The following DNAH7 variants were observed in gnomAD, a reference collection of about 807,000 sequenced individuals.
DNAH7 encodes the protein dynein axonemal heavy chain 7, also known as axonemal beta dynein heavy chain 7.
DNAH7 carries 397 observed loss-of-function variants against 444.6 expected under a neutral mutation model. That is an observed-to-expected ratio of 0.89 (90% CI 0.82 to 0.97). The LOEUF (loss-of-function observed/expected upper bound fraction) is 0.97. Among genes scored for constraint, DNAH7 ranks in the 50% least tolerant of loss-of-function variants. The probability of loss-of-function intolerance (pLI) is 0.00; values close to 1 mark genes in which losing one functional copy is unlikely to be tolerated. For synonymous variants in DNAH7, 1,636 were observed against 1,624.4 expected (o/e 1.01, Z -0.17); for missense variants, 4,902 against 4,800.8 (o/e 1.02, Z -0.62).
chr2:196,051,923 T>C lies in DNAH7; in HGVS notation c.79-674A>G, dbSNP rs529158502. On this transcript the variant is annotated intron_variant, in intron 2 of 64. Coordinates refer to ENST00000312428, the MANE Select transcript of DNAH7 (RefSeq NM_018897.3). Reference sequence around the variant, plus strand: ...TCCTCTTTCCCCAATTAAACCCTAATCATTTAACTTGTTCTCCAGACATAC... The same window carrying C: ...TCCTCTTTCCCCAATTAAACCCTAACCATTTAACTTGTTCTCCAGACATAC... 2.6e-5 allele frequency among the ~76,000 whole-genome samples: 4 copies of C among 152,266 alleles called. No homozygotes were observed. In the South Asian group the frequency reaches 8.3e-4, roughly 32 times the overall value.
At chr2:195,839,879 T>C (rs1014948320) in intron 47 of DNAH7, among the ~76,000 whole-genome samples, 2 of 151,778 alleles carry the variant, frequency 1.3e-5, no homozygotes, top group African/African-American at 4.8e-5. Flanking sequence ...ATAAAATCTT[T>C]CAATGACAAA....
intron 5 of DNAH7, among the ~76,000 whole-genome samples, chr2:196,043,351 G>C (rs1696893907): frequency 6.6e-6 from 1 of 151,876 alleles, no homozygotes. Context: ...AGTCACATAG[G>C]GTTCTCGTCA....
chr2:195,739,743 T>C (rs971623760), intron 64 of DNAH7, among the ~76,000 whole-genome samples: 2 of 152,192 alleles, frequency 1.3e-5, no homozygotes, highest in Admixed American at 6.5e-5. Context: ...CTAAAATCAA[T>C]TGGCAGCATT....
chr2:195,960,740 C>T lies in DNAH7; in HGVS notation c.2411G>A (p.Trp804Ter), dbSNP rs758237461. 1.2e-6 allele frequency: 2 copies of T among 1,614,126 alleles called. No individual in the cohort carries two copies. Among genetic ancestry groups the T allele is most frequent in the Non-Finnish European group, 1.7e-6 (2 of 1,180,000 alleles). ...TTTCTCCAGTTTATATAATCCTCTC[C>T]AGTAATTTCCAATATCTGCTTCTAC... ...DQVEADIGNY[W>*]RGLYKLEKTF... Residue 804 changes from tryptophan (W) to a stop codon, truncating the protein, a stop_gained, in exon 18 of 65, where the codon TGG (tryptophan) becomes TAG (stop). Coordinates refer to ENST00000312428, the MANE Select transcript of DNAH7 (RefSeq NM_018897.3). LOFTEE classifies it high-confidence loss of function.
intron 60 of DNAH7, among the ~76,000 whole-genome samples, chr2:195,773,995 T>C (rs1157734429): frequency 6.6e-6 from 1 of 152,204 alleles, no homozygotes; most frequent in Non-Finnish European, 1.5e-5. Context: ...ATAAACCCAA[T>C]CTAGAATCAC....
chr2:195,898,087 G>C (rs56350306), intron 28 of DNAH7, among the ~76,000 whole-genome samples: 2,423 of 152,284 alleles, frequency 0.016, 68 homozygotes, highest in African/African-American at 0.055. Context: ...CTTGTTCTCT[G>C]CATGTATTCA....
intron 24 of DNAH7, among the ~76,000 whole-genome samples, chr2:195,920,866 C>A (rs944051043): frequency 1.3e-5 from 2 of 151,686 alleles, no homozygotes; most frequent in Non-Finnish European, 2.9e-5. Flanking sequence ...CTCAAATCTG[C>A]AAGAAAAAAA....
chr2:195,887,536 G>T (rs1023109289), intron 33 of DNAH7, among the ~76,000 whole-genome samples: 1 of 151,902 alleles, frequency 6.6e-6, no homozygotes, highest in Non-Finnish European at 1.5e-5. Context: ...ACATTAACAT[G>T]GTTTTAAAGT....
At chr2:195,918,135 C>A (rs1687800893) in intron 24 of DNAH7, among the ~76,000 whole-genome samples, 1 of 152,266 alleles carries the variant, frequency 6.6e-6, no homozygotes, top group African/African-American at 2.4e-5. Flanking sequence ...AAGATCTGAA[C>A]AAACACCTCA....
chr2:195,738,053 A>ACTTGT lies in DNAH7; in HGVS notation c.11938_11942dup (p.Ser3981ArgfsTer19), dbSNP rs868282237. ...TGGTGGATAATACTCCTCTCCGCTCACTTGTCTTATACAATGGAGCAACAT... is the reference window on the plus strand; with the variant it reads ...TGGTGGATAATACTCCTCTCCGCTCACTTGTCTTGTCTTATACAATGGAGCAACAT... On this transcript the variant is annotated frameshift_variant, in exon 65 of 65. Transcript: ENST00000312428. LOFTEE classifies it high-confidence loss of function. The ACTTGT allele has an allele frequency of 5.0e-6, 8 of 1,613,920 alleles. No homozygotes were observed. The African/African-American group carries it at 6.7e-5, about 13-fold the overall frequency.
At chr2:195,866,887 T>C (rs1700371563) in intron 40 of DNAH7, among the ~76,000 whole-genome samples, 1 of 152,188 alleles carries the variant, frequency 6.6e-6, no homozygotes, top group African/African-American at 2.4e-5. Flanking sequence ...CCCGTGCTGT[T>C]CTTATGATAG....
intron 63 of DNAH7, among the ~76,000 whole-genome samples, chr2:195,750,480 A>T (rs1196860020): frequency 6.6e-6 from 1 of 152,228 alleles, no homozygotes; most frequent in Non-Finnish European, 1.5e-5. Flanking sequence ...CTAGAAAAAA[A>T]TTCATGCATC....
At chr2:195,782,865 C>A (rs915139460) in intron 58 of DNAH7, among the ~76,000 whole-genome samples, 2 of 152,196 alleles carry the variant, frequency 1.3e-5, no homozygotes, top group Admixed American at 6.5e-5. Context: ...AACATACAAT[C>A]TTTGTTCTCT....
At chr2:196,056,097 G>T (rs948070596) in intron 2 of DNAH7, among the ~76,000 whole-genome samples, 3 of 152,160 alleles carry the variant, frequency 2.0e-5, no homozygotes, top group Non-Finnish European at 1.5e-5. Context: ...CCTCACCTTG[G>T]ATTCCAGACA....
In DNAH7 at chr2:195,922,100, T is replaced by C. The variant is rs548978463; in HGVS notation, c.3923A>G (p.Asp1308Gly). The change falls in exon 24 of 65, where the codon GAT (aspartate) becomes GGT (glycine). Residue 1308 changes from aspartate to glycine, a missense_variant. Physicochemically the swap from Asp to Gly is moderately conservative, Grantham distance 94. Coordinates refer to ENST00000312428, the MANE Select transcript of DNAH7 (RefSeq NM_018897.3). Reference protein sequence around the residue: ...SPRLVITPLTDRCYRTLFGAL... With the variant: ...SPRLVITPLTGRCYRTLFGAL... The stretch of plus-strand genomic sequence containing the variant: ...TTAAAGGGTTTACCTGTAACATCTA[T>C]CCGTGAGTGGTGTAATAACCAGCCT... The C allele has an allele frequency of 6.5e-5, 104 of 1,593,960 alleles. No individual in the cohort carries two copies. The highest frequency in any genetic ancestry group is 8.3e-5 in the Non-Finnish European group (97 of 1,161,854).
At chr2:195,853,286 G>T in intron 46 of DNAH7, 57 bp downstream of exon 46, 1 of 1,475,144 alleles carries the variant, frequency 6.8e-7, no homozygotes, top group South Asian at 1.4e-5. Context: ...AACCTTGAAG[G>T]GTTATATTGG....
chr2:195,750,148 T>G (rs1011578627), intron 63 of DNAH7, among the ~76,000 whole-genome samples: 1 of 152,196 alleles, frequency 6.6e-6, no homozygotes, highest in Non-Finnish European at 1.5e-5. Context: ...AGTTGTGCTT[T>G]ATTTTTACTC....
intron 8 of DNAH7, 84 bp downstream of exon 8, chr2:196,024,345 C>A: frequency 1.2e-6 from 1 of 847,056 alleles, no homozygotes; most frequent in Non-Finnish European, 1.7e-6. Context: ...TATAAACATA[C>A]ATTTGAGAAA....
chr2:195,906,951 T>C lies in DNAH7; in HGVS notation c.4163A>G (p.Glu1388Gly). 4.3e-6 allele frequency: 7 copies of C among 1,613,240 alleles called. No individual in the cohort carries two copies. Among genetic ancestry groups the C allele is most frequent in the Non-Finnish European group, 5.9e-6 (7 of 1,179,546 alleles). ...CFDEFNRIDL[E>G]VLSVVAQQIL... ...TTGTTGAGCAACCACAGAGAGTACTTCCAAATCAATTCTGTTAAACTCATC... is the reference window on the plus strand; with the variant it reads ...TTGTTGAGCAACCACAGAGAGTACTCCCAAATCAATTCTGTTAAACTCATC... The change falls in exon 26 of 65, where the codon GAA (glutamate) becomes GGA (glycine). Residue 1388 changes from glutamate to glycine, a missense_variant. Coordinates refer to ENST00000312428, the MANE Select transcript of DNAH7 (RefSeq NM_018897.3).
Sources: gnomAD v4.1 joint callset for allele counts (sites outside exome capture counted in the v4.1 genomes callset) on GRCh38, gnomAD v4.1.1 for gene constraint, MANE v1.5 for transcripts, NCBI Gene and HGNC (gene_info 2026-07-23, HGNC 2026-07-21) for gene names.